STAC3: variants seen among roughly 807,000 people sequenced by gnomAD.
The protein encoded by STAC3 is SH3 and cysteine-rich domain-containing protein 3.
Under a neutral mutation model 48.5 loss-of-function variants are expected in STAC3, and 30 were observed. That is an observed-to-expected ratio of 0.62 (90% CI 0.46 to 0.84). The LOEUF (loss-of-function observed/expected upper bound fraction) is 0.84, where lower values mean the gene tolerates loss of function less well. Among genes scored for constraint, STAC3 ranks in the 40% least tolerant of loss-of-function variants. The pLI, the probability that STAC3 is intolerant of heterozygous loss-of-function variation, is 0.00. For synonymous variants in STAC3, 144 were observed against 158.6 expected, an observed-to-expected ratio of 0.91 and a Z score of 0.69; for missense variants, 419 against 462.6, an observed-to-expected ratio of 0.91 and a Z score of 0.86.
chr12:57,247,189 C>T (rs554076963), intron 5 of STAC3, among the ~76,000 whole-genome samples: 8 of 152,190 alleles, frequency 5.3e-5, no homozygotes, highest in African/African-American at 1.9e-4. Flanking sequence ...ACTTTGCTTG[C>T]TTGGGAGCTG....
chr12:57,247,048 G>T, intron 5 of STAC3, 147 bp from the exon 6 acceptor site: 1 of 682,208 alleles, frequency 1.5e-6, no homozygotes. Flanking sequence ...TTAGGGAAGG[G>T]TCAGCTAGGC....
At chr12:57,248,296 G>T in intron 4 of STAC3, 98 bp from the exon 5 acceptor site, 1 of 1,014,798 alleles carries the variant, frequency 9.9e-7, no homozygotes. Flanking sequence ...AAAAAGAGAT[G>T]GGCTGAGAAA....
At chr12:57,248,375 C>CTT (rs1555194538) in intron 4 of STAC3, 177 bp from the exon 5 acceptor site, 6 of 577,070 alleles carry the variant, frequency 1.0e-5, no homozygotes, top group South Asian at 2.2e-5. Context: ...GACATGTCCC[C>CTT]TCTTTTTTTT....
intron 2 of STAC3, 105 bp from the exon 3 acceptor site, chr12:57,249,413 G>A: frequency 6.6e-7 from 1 of 1,504,974 alleles, no homozygotes; most frequent in East Asian, 2.3e-5. Context: ...TTCAGGCAAG[G>A]AATGTACCCC....
chr12:57,243,774 G>C lies in STAC3; in HGVS notation c.*38C>G. 6.3e-6 allele frequency: 10 copies of C among 1,583,418 alleles called. No individual in the cohort carries two copies. Among genetic ancestry groups the C allele is most frequent in the Non-Finnish European group, 8.7e-6 (10 of 1,153,580 alleles). ...AAACTCCACTGGGCCCGCCCAGAATGGGGTGTGGGTGTCTCCCGCTTGCAG... is the reference window on the plus strand; with the variant it reads ...AAACTCCACTGGGCCCGCCCAGAATCGGGTGTGGGTGTCTCCCGCTTGCAG... On this transcript the variant is annotated 3_prime_UTR_variant, in exon 12 of 12. Transcript: ENST00000332782.
At chr12:57,247,977 G>T in intron 5 of STAC3, 149 bp downstream of exon 5, 1 of 748,104 alleles carries the variant, frequency 1.3e-6, no homozygotes, top group Non-Finnish European at 2.4e-6. Context: ...TATTGCCTCT[G>T]CATCCAAATG....
chr12:57,244,317 G>C lies in STAC3; in HGVS notation c.856C>G (p.Arg286Gly), dbSNP rs1460702888. The C allele has an allele frequency of 6.2e-7, 1 of 1,614,054 alleles. No homozygotes were observed. The highest frequency in any genetic ancestry group is 8.5e-7 in the Non-Finnish European group (1 of 1,180,028). ...VIDDSNEEWW[R>G]GKIGEKVGFF... The stretch of plus-strand genomic sequence containing the variant: ...CTAGCCCTAGCCATTTCTCTCACCC[G>C]CCACCATTCTTCATTGGAGTCATCA... Residue 286 changes from arginine (R) to glycine (G), a missense_variant and splice_region_variant, in exon 10 of 12, where the codon CGG becomes GGG. Arg to Gly is a moderately radical substitution (Grantham distance 125). Coordinates refer to ENST00000332782, the MANE Select transcript of STAC3 (RefSeq NM_145064.3).
chr12:57,248,224 T>C (rs987735728), intron 4 of STAC3, 26 bp from the exon 5 acceptor site: 1 of 1,588,742 alleles, frequency 6.3e-7, no homozygotes, highest in African/African-American at 1.3e-5. Flanking sequence ...AGAGGAAGCA[T>C]TAGAGGTAGC....
rs905764150 is a variant in STAC3 at position 57,243,607 on chromosome 12, G to T, written c.*205C>A. On this transcript the variant is annotated 3_prime_UTR_variant, in exon 12 of 12. Coordinates refer to ENST00000332782, the MANE Select transcript of STAC3 (RefSeq NM_145064.3). ...GGGGCCTGAAAGGTTTCGGGTCCGG[G>T]CTGCTCTGGGCAGCAGGTATCCGAG... 3.7e-5 allele frequency: 26 copies of T among 702,412 alleles called. No individual in the cohort carries two copies. Among genetic ancestry groups the T allele is most frequent in the Admixed American group, 1.8e-4 (9 of 49,584 alleles). 43.5% of individuals were successfully genotyped at this position (702,412 alleles called of 1,614,324 possible). A position where few individuals can be genotyped will look rare whatever the true frequency, so the allele number is the denominator to read the frequency against.
At position 57,244,449 on chromosome 12, in the gene STAC3, T is replaced by G. The variant is rs1010529436; in HGVS notation, c.807-83A>C. 70 of 1,612,192 alleles carry G rather than the reference T, an allele frequency of 4.3e-5. No homozygotes were observed. The African/African-American group carries it at 5.2e-4, about 12-fold the overall frequency. ...TCCAGCATCAATAGGCTCCAAGCCC[T>G]GAGTCCCCCCTTTTCCTTTCCCTTG... is the stretch of plus-strand genomic sequence containing the variant. On this transcript the variant is annotated intron_variant, in intron 9 of 11. Coordinates refer to ENST00000332782, the MANE Select transcript of STAC3 (RefSeq NM_145064.3).
intron 5 of STAC3, 114 bp from the exon 6 acceptor site, chr12:57,247,015 C>T (rs533432627): frequency 2.2e-5 from 22 of 997,480 alleles, no homozygotes; most frequent in Admixed American, 1.1e-4. Context: ...TGTTGGGTGG[C>T]GGTGGGGGCG....
Position 57,247,428 on chromosome 12 carries a change from A to ATT in STAC3, c.506-529_506-528dup, listed in dbSNP as rs367784960. On this transcript the variant is annotated intron_variant, in intron 5 of 11. Coordinates refer to ENST00000332782, the MANE Select transcript of STAC3 (RefSeq NM_145064.3). ...AATTATTATTATTATTATTATTATTATTTTTTTTTTTTTTTTTTTTTTTGA... is the reference window on the plus strand; with the variant it reads ...AATTATTATTATTATTATTATTATTATTTTTTTTTTTTTTTTTTTTTTTTTGA... 3.6e-3 allele frequency among the ~76,000 whole-genome samples: 213 copies of ATT among 58,522 alleles called. 8 individuals are homozygous for ATT. The highest frequency in any genetic ancestry group is 0.011 in the African/African-American group (202 of 17,812). 38.4% of individuals were successfully genotyped at this position (58,522 alleles called of 152,430 possible).
In STAC3 at chr12:57,243,698, C is replaced by T; in HGVS notation, c.*114G>A. On this transcript the variant is annotated 3_prime_UTR_variant, in exon 12 of 12. Coordinates refer to ENST00000332782, the MANE Select transcript of STAC3 (RefSeq NM_145064.3). Reference sequence around the variant, plus strand: ...GGAAGCCCCGTCGCGCTCAGGCGGGCCTTCCTACCCCTCCTCTCCCAGCAG... The same window carrying T: ...GGAAGCCCCGTCGCGCTCAGGCGGGTCTTCCTACCCCTCCTCTCCCAGCAG... 1 of 997,190 alleles carries T rather than the reference C, an allele frequency of 1.0e-6. No homozygotes were observed. The allele number at this position is 997,190 out of a possible 1,614,324, so 61.8% of individuals were successfully genotyped here.
chr12:57,244,317 G>A lies in STAC3; in HGVS notation c.856C>T (p.Arg286Trp). 7 of 1,614,054 alleles carry A rather than the reference G, an allele frequency of 4.3e-6. No homozygotes were observed. Among genetic ancestry groups the A allele is most frequent in the Non-Finnish European group, 5.9e-6 (7 of 1,180,028 alleles). Reference protein sequence around the residue: ...VIDDSNEEWWRGKIGEKVGFF... With the variant: ...VIDDSNEEWWWGKIGEKVGFF... ...CTAGCCCTAGCCATTTCTCTCACCCGCCACCATTCTTCATTGGAGTCATCA... is the reference window on the plus strand; with the variant it reads ...CTAGCCCTAGCCATTTCTCTCACCCACCACCATTCTTCATTGGAGTCATCA... The change falls in exon 10 of 12, where the codon CGG (arginine) becomes TGG (tryptophan). Residue 286 changes from arginine (R) to tryptophan (W), a missense_variant and splice_region_variant. By Grantham distance (101) the Arg-to-Trp change is moderately radical. Transcript: ENST00000332782.
In STAC3 at chr12:57,243,651, G is replaced by A. The variant is rs1455710485; in HGVS notation, c.*161C>T. The A allele has an allele frequency of 1.3e-6, 1 of 744,428 alleles. No homozygotes were observed. The highest frequency in any genetic ancestry group is 2.4e-6 in the Non-Finnish European group (1 of 419,636). The allele number at this position is 744,428 out of a possible 1,614,324, so 46.1% of individuals were successfully genotyped here. A position where few individuals can be genotyped will look rare whatever the true frequency, so the allele number is the denominator to read the frequency against. ...ATCCGAGGCCCCAGGCTGGGGAAGG[G>A]GGCGAGAACCAGTCCCTTCCCGGAA... On this transcript the variant is annotated 3_prime_UTR_variant, in exon 12 of 12. Coordinates refer to ENST00000332782, the MANE Select transcript of STAC3 (RefSeq NM_145064.3).
chr12:57,248,022 G>T, intron 5 of STAC3, 104 bp downstream of exon 5: 1 of 1,045,830 alleles, frequency 9.6e-7, no homozygotes, highest in Non-Finnish European at 1.5e-6. Context: ...AGAATTATGG[G>T]AAACAGAAAG....
chr12:57,248,847 C>G (rs748491284), intron 3 of STAC3, 44 bp from the exon 4 acceptor site: 9 of 1,575,938 alleles, frequency 5.7e-6, no homozygotes, highest in Middle Eastern at 1.7e-4. Flanking sequence ...CCAGATTGCC[C>G]TTTCCCTTTG....
intron 7 of STAC3, 31 bp from the exon 8 acceptor site, chr12:57,244,996 T>C: frequency 1.2e-6 from 2 of 1,613,478 alleles, no homozygotes; most frequent in Non-Finnish European, 1.7e-6. Context: ...AAATTGTCTG[T>C]CTCCTGGAGG....
In STAC3 at chr12:57,243,792, G is replaced by T. The variant is rs901899153; in HGVS notation, c.*20C>A. ...CCAGAATGGGGTGTGGGTGTCTCCC[G>T]CTTGCAGGCGCCCGCACGCCTAAAT... On this transcript the variant is annotated 3_prime_UTR_variant, in exon 12 of 12. Coordinates refer to ENST00000332782, the MANE Select transcript of STAC3 (RefSeq NM_145064.3). The T allele has an allele frequency of 1.2e-6, 2 of 1,610,256 alleles. No individual in the cohort carries two copies. Among genetic ancestry groups the T allele is most frequent in the Admixed American group, 1.7e-5 (1 of 59,952 alleles).
Sources: gnomAD v4.1 joint callset for allele counts (sites outside exome capture counted in the v4.1 genomes callset) on GRCh38, gnomAD v4.1.1 for gene constraint, MANE v1.5 for transcripts, NCBI Gene and HGNC (gene_info 2026-07-23, HGNC 2026-07-21) for gene names.